C2orf66: variants seen among roughly 807,000 people sequenced by gnomAD.
The protein encoded by C2orf66 is chromosome 2 open reading frame 66, also known as uncharacterized protein C2orf66.
C2orf66 carries 6 observed loss-of-function variants against 7.0 expected under a neutral mutation model. That is an observed-to-expected ratio of 0.86 (90% confidence interval 0.47 to 1.69). C2orf66 has a LOEUF of 1.69. Ranked by LOEUF, C2orf66 falls within the 40% of genes most tolerant of loss-of-function variation. The pLI is 0.01. For missense variants in C2orf66, 107 were observed against 112.0 expected, an observed-to-expected ratio of 0.96 and a Z score of 0.20; for synonymous variants, 38 against 43.8, an observed-to-expected ratio of 0.87 and a Z score of 0.52.
chr2:196,815,251 GAGCC>G, the C2orf66 span, among the ~76,000 whole-genome samples: 2 of 151,990 alleles, frequency 1.3e-5, no homozygotes, highest in African/African-American at 4.8e-5. Flanking sequence ...TTTCAGGCAT[GAGCC>G]ACCATGCCTG....
chr2:196,831,196 T>C, the C2orf66 span, among the ~76,000 whole-genome samples: 1 of 152,184 alleles, frequency 6.6e-6, no homozygotes, highest in Non-Finnish European at 1.5e-5. Flanking sequence ...CTTTGTCCCC[T>C]AGGCCTAGAA....
the C2orf66 span, among the ~76,000 whole-genome samples, chr2:196,821,058 C>T: frequency 6.6e-6 from 1 of 152,048 alleles, no homozygotes; most frequent in Admixed American, 6.6e-5. Flanking sequence ...TTCACAGGCA[C>T]ACAGAGGGGA....
At chr2:196,810,860 G>C (rs748107043), upstream of C2orf66, among the ~76,000 whole-genome samples, 1 of 152,180 alleles carries the variant, frequency 6.6e-6, no homozygotes, top group Non-Finnish European at 1.5e-5. Context: ...AATAAATACA[G>C]TCCTTGCCCT....
chr2:196,829,604 C>CA, the C2orf66 span, among the ~76,000 whole-genome samples: 14 of 148,134 alleles, frequency 9.5e-5, no homozygotes, highest in Non-Finnish European at 1.5e-4. Flanking sequence ...CAAAAAAAAA[C>CA]AAAAAAACAG....
At chr2:196,812,961 C>A (rs992544434), upstream of C2orf66, among the ~76,000 whole-genome samples, 2 of 152,168 alleles carry the variant, frequency 1.3e-5, no homozygotes, top group African/African-American at 4.8e-5. Flanking sequence ...ACATTCCATG[C>A]TCATGGATAG....
Position 196,804,735 on chromosome 2 carries a change from G to A in C2orf66, c.*693C>T, listed in dbSNP as rs1699801379. Among the ~76,000 whole-genome samples the A allele has an allele frequency of 6.6e-6, 1 of 152,162 alleles. No individual in the cohort carries two copies. ...TGAGGAGGTTGTGTATGAGAGCAAG[G>A]GCTCGGGCATTGCTAGAATATTTGA... On this transcript the variant is annotated 3_prime_UTR_variant, in exon 3 of 3. Coordinates refer to ENST00000342506, the MANE Select transcript of C2orf66 (RefSeq NM_213608.3).
the C2orf66 span, among the ~76,000 whole-genome samples, chr2:196,829,897 A>AAAACAAAAC: frequency 6.6e-6 from 1 of 152,166 alleles, no homozygotes; most frequent in Non-Finnish European, 1.5e-5. Flanking sequence ...ACTCCATCTC[A>AAAACAAAAC]AAACAAAACA....
At chr2:196,808,065 GC>G (rs1699836282) in intron 1 of C2orf66, among the ~76,000 whole-genome samples, 1 of 152,168 alleles carries the variant, frequency 6.6e-6, no homozygotes. Context: ...AGTGCTACTT[GC>G]TTTGATGCAG....
chr2:196,821,296 AT>A, the C2orf66 span, among the ~76,000 whole-genome samples: 1 of 152,162 alleles, frequency 6.6e-6, no homozygotes, highest in African/African-American at 2.4e-5. Context: ...GAGAGAATAT[AT>A]TTCTGTTGTT....
upstream of C2orf66, among the ~76,000 whole-genome samples, chr2:196,812,688 T>C (rs886653266): frequency 6.6e-6 from 1 of 152,148 alleles, no homozygotes; most frequent in East Asian, 1.9e-4. Context: ...AAAACCCCAT[T>C]GTCTCAGCCC....
rs1478912371 is a variant in C2orf66 at position 196,807,610 on chromosome 2, G to A, written c.136C>T (p.Leu46Phe). 5 of 1,607,212 alleles carry A rather than the reference G, an allele frequency of 3.1e-6. No homozygotes were observed. The highest frequency in any genetic ancestry group is 4.2e-6 in the Non-Finnish European group (5 of 1,178,428). Residue 46 changes from leucine (L) to phenylalanine (F), a missense_variant, in exon 2 of 3, where the codon CTT becomes TTT. Physicochemically the swap from Leu to Phe is conservative, Grantham distance 22 (BLOSUM62 0). Transcript: ENST00000342506. Reference protein sequence around the residue: ...PRNRDLFFRRLQAYFKGRGLD... With the variant: ...PRNRDLFFRRFQAYFKGRGLD... Reference sequence around the variant, plus strand: ...CCTCTGCCCTTAAAATATGCCTGAAGCCTTCTGAAAAACTAAAGAGAGAAA... The same window carrying A: ...CCTCTGCCCTTAAAATATGCCTGAAACCTTCTGAAAAACTAAAGAGAGAAA...
At chr2:196,814,673 A>G in the C2orf66 span, among the ~76,000 whole-genome samples, 1 of 152,186 alleles carries the variant, frequency 6.6e-6, no homozygotes, top group East Asian at 1.9e-4. Flanking sequence ...CCAGTGCCCA[A>G]TGTTGAGCCC....
At chr2:196,823,836 G>A in the C2orf66 span, among the ~76,000 whole-genome samples, 2 of 152,016 alleles carry the variant, frequency 1.3e-5, no homozygotes, top group Non-Finnish European at 2.9e-5. Flanking sequence ...TTGTAAGATG[G>A]ATATTACTAG....
the C2orf66 span, among the ~76,000 whole-genome samples, chr2:196,826,331 C>A: frequency 9.9e-5 from 15 of 152,220 alleles, 1 homozygote; most frequent in South Asian, 2.7e-3. Flanking sequence ...TTCATTACAA[C>A]CTTCTAAATT....
At chr2:196,826,389 T>C in the C2orf66 span, among the ~76,000 whole-genome samples, 1 of 152,240 alleles carries the variant, frequency 6.6e-6, no homozygotes, top group African/African-American at 2.4e-5. Flanking sequence ...TGGGGGAACA[T>C]TTAAACTTCT....
chr2:196,828,230 T>TCTCTCA, the C2orf66 span, among the ~76,000 whole-genome samples: 4 of 125,150 alleles, frequency 3.2e-5, no homozygotes, highest in African/African-American at 8.9e-5. Flanking sequence ...TCTCTCTCTC[T>TCTCTCA]CACACACACA....
At chr2:196,816,005 G>A in the C2orf66 span, among the ~76,000 whole-genome samples, 7 of 152,310 alleles carry the variant, frequency 4.6e-5, no homozygotes, top group East Asian at 1.2e-3. Flanking sequence ...AGAGCAGGCC[G>A]GGCAGCTTTC....
At chr2:196,830,808 C>G in the C2orf66 span, among the ~76,000 whole-genome samples, 1 of 152,190 alleles carries the variant, frequency 6.6e-6, no homozygotes, top group Non-Finnish European at 1.5e-5. Flanking sequence ...CCTGCTGCCC[C>G]TTGATCTTCC....
chr2:196,808,920 C>CAAAT (rs1156978978), intron 1 of C2orf66, among the ~76,000 whole-genome samples: 2 of 152,128 alleles, frequency 1.3e-5, no homozygotes, highest in Admixed American at 1.3e-4. Context: ...GAAATCAAGG[C>CAAAT]TACAAAGTCA....
Sources: gnomAD v4.1 joint callset for allele counts (sites outside exome capture counted in the v4.1 genomes callset) on GRCh38, gnomAD v4.1.1 for gene constraint, MANE v1.5 for transcripts, NCBI Gene and HGNC (gene_info 2026-07-23, HGNC 2026-07-21) for gene names.